Variants in KSR2 observed in about 807,000 individuals in gnomAD.
KSR2 encodes kinase suppressor of ras 2.
A neutral mutation model predicts 107.8 loss-of-function variants in KSR2; 25 were observed. That is an observed-to-expected ratio of 0.23 (90% CI 0.17 to 0.32). The LOEUF is 0.32. KSR2 is among the 10% of genes least tolerant of loss of function. The pLI is 1.00. For synonymous variants in KSR2, 480 were observed against 507.0 expected, an observed-to-expected ratio of 0.95 and a Z score of 0.71; for missense variants, 887 against 1,268.9, an observed-to-expected ratio of 0.70 and a Z score of 4.57.
intron 1 of KSR2, among the ~76,000 whole-genome samples, chr12:117,904,717 G>A (rs188738968): frequency 4.3e-4 from 66 of 152,196 alleles, no homozygotes; most frequent in Non-Finnish European, 8.4e-4. Flanking sequence ...GAGTCACTTA[G>A]CCATGACCAC....
At chr12:117,828,169 G>GT (rs1891826151) in intron 3 of KSR2, among the ~76,000 whole-genome samples, 3 of 152,122 alleles carry the variant, frequency 2.0e-5, no homozygotes, top group Non-Finnish European at 4.4e-5. Context: ...TCACCGCTGC[G>GT]TCCCCAGGGC....
At chr12:117,531,083 TG>T in intron 11 of KSR2, 70 bp from the exon 12 acceptor site, 1 of 1,274,242 alleles carries the variant, frequency 7.8e-7, no homozygotes, top group Non-Finnish European at 1.1e-6. Context: ...GCCTGATTCC[TG>T]GGCGACATGG....
chr12:117,619,655 A>ACT, intron 5 of KSR2, among the ~76,000 whole-genome samples: 1 of 151,174 alleles, frequency 6.6e-6, no homozygotes, highest in Middle Eastern at 3.2e-3. Flanking sequence ...TGTTGTTATT[A>ACT]GTATTTTTAA....
chr12:117,792,182 A>T lies in KSR2; in HGVS notation c.473-30658T>A, dbSNP rs9705420. 4.1e-3 allele frequency among the ~76,000 whole-genome samples: 620 copies of T among 151,680 alleles called. 4 individuals carry two copies. Among genetic ancestry groups the T allele is most frequent in the African/African-American group, 0.012 (485 of 41,346 alleles). ...GTGAGACACAGTCTCTACAAAAAAA[A>T]AAATAAATAAAAATTATCTGGGCAT... On this transcript the variant is annotated intron_variant, in intron 3 of 19. Coordinates refer to ENST00000339824, the MANE Select transcript of KSR2 (RefSeq NM_173598.6).
At chr12:117,471,544 T>C (rs1260673411) in intron 17 of KSR2, among the ~76,000 whole-genome samples, 2 of 152,180 alleles carry the variant, frequency 1.3e-5, no homozygotes, top group African/African-American at 4.8e-5. Context: ...AATAGTTAAA[T>C]ATAATGTGGT....
chr12:117,589,135 C>T (rs1228178898), intron 5 of KSR2, among the ~76,000 whole-genome samples: 1 of 152,140 alleles, frequency 6.6e-6, no homozygotes, highest in Non-Finnish European at 1.5e-5. Context: ...ATGTCCCCTT[C>T]TGAGATAAAT....
intron 4 of KSR2, among the ~76,000 whole-genome samples, chr12:117,685,337 C>T (rs1565960536): frequency 1.3e-5 from 2 of 152,202 alleles, no homozygotes; most frequent in African/African-American, 2.4e-5. Flanking sequence ...AACCAGAGCT[C>T]GTGACAGCCC....
chr12:117,561,397 T>C (rs1878110458), intron 7 of KSR2, among the ~76,000 whole-genome samples: 1 of 152,206 alleles, frequency 6.6e-6, no homozygotes, highest in South Asian at 2.1e-4. Flanking sequence ...TCCTGAGTGC[T>C]TTACATCATT....
At chr12:117,869,941 G>A (rs1033840795) in intron 1 of KSR2, among the ~76,000 whole-genome samples, 2 of 152,182 alleles carry the variant, frequency 1.3e-5, no homozygotes, top group Non-Finnish European at 2.9e-5. Context: ...CTGTGAGGCT[G>A]GTACTTTCAG....
chr12:117,702,705 T>TC (rs1220562787), intron 4 of KSR2, among the ~76,000 whole-genome samples: 3 of 151,964 alleles, frequency 2.0e-5, no homozygotes, highest in African/African-American at 7.3e-5. Context: ...GATCCCCTCT[T>TC]CCCCCACCAA....
chr12:117,966,611 T>G (rs3999669), intron 1 of KSR2, among the ~76,000 whole-genome samples: 24 of 77,250 alleles, frequency 3.1e-4, no homozygotes, highest in Non-Finnish European at 6.5e-4. Flanking sequence ...TCTCTCTCTC[T>G]CACACGCGCA....
intron 1 of KSR2, among the ~76,000 whole-genome samples, chr12:117,947,857 T>TA (rs1566095032): frequency 6.6e-6 from 1 of 151,856 alleles, no homozygotes. Flanking sequence ...AAAATGCTGA[T>TA]AAAAAAAGAA....
chr12:117,794,103 C>T (rs548133373), intron 3 of KSR2, among the ~76,000 whole-genome samples: 2 of 135,048 alleles, frequency 1.5e-5, no homozygotes, highest in Non-Finnish European at 1.5e-5. Flanking sequence ...CCAACATGCA[C>T]ACTCACACCA....
intron 5 of KSR2, among the ~76,000 whole-genome samples, chr12:117,622,714 A>G (rs1040634429): frequency 8.5e-5 from 13 of 152,184 alleles, no homozygotes; most frequent in African/African-American, 3.1e-4. Flanking sequence ...GATTTCCAGC[A>G]TCTTGAATTG....
chr12:117,483,265 A>G (rs1872273401), intron 16 of KSR2, among the ~76,000 whole-genome samples: 1 of 152,206 alleles, frequency 6.6e-6, no homozygotes, highest in South Asian at 2.1e-4. Context: ...AAACAGCTAC[A>G]TGAAGTTTTG....
chr12:117,493,598 G>C (rs1872863178), intron 14 of KSR2, among the ~76,000 whole-genome samples: 3 of 152,092 alleles, frequency 2.0e-5, no homozygotes, highest in Admixed American at 6.5e-5. Context: ...CTCCACCTTT[G>C]CAACACCTGC....
intron 14 of KSR2, among the ~76,000 whole-genome samples, chr12:117,515,178 T>C (rs989989118): frequency 1.3e-5 from 2 of 152,216 alleles, no homozygotes; most frequent in East Asian, 1.9e-4. Context: ...CTGGACCCTA[T>C]ACACAGTAAG....
rs949772857 is a variant in KSR2, at chr12:117,907,853, G to A, written c.181-47422C>T. On this transcript the variant is annotated intron_variant, in intron 1 of 19. Coordinates refer to ENST00000339824, the MANE Select transcript of KSR2 (RefSeq NM_173598.6). The surrounding 1 kb of genome is among the most constrained non-coding windows in gnomAD (Gnocchi z 4.3). ...TCATCTTTTCACTGCCCCTCTTTGA[G>A]AGCTGCCAATTTACTGAAAAGGTAT... Among the ~76,000 whole-genome samples the A allele has an allele frequency of 1.3e-5, 2 of 150,886 alleles. No individual in the cohort carries two copies. Among genetic ancestry groups the A allele is most frequent in the African/African-American group, 4.9e-5 (2 of 40,944 alleles).
intron 1 of KSR2, among the ~76,000 whole-genome samples, chr12:117,954,784 G>C (rs567580478): frequency 4.6e-5 from 7 of 152,284 alleles, no homozygotes; most frequent in Admixed American, 1.3e-4. Context: ...GGGAGGCCAA[G>C]GCGGGTGGAT....
Sources: allele counts gnomAD v4.1 joint callset (sites outside exome capture counted in the v4.1 genomes callset), GRCh38; gene constraint gnomAD v4.1.1; non-coding constraint Gnocchi (gnomAD v3.1); transcripts MANE v1.5; gene names NCBI Gene and HGNC (gene_info 2026-07-23, HGNC 2026-07-21).